The following ATP7B variants were observed in gnomAD, a reference collection of about 807,000 sequenced individuals.
ATP7B encodes ATPase copper transporting beta.
Under a neutral mutation model 118.9 loss-of-function variants are expected in ATP7B, and 113 were observed. The observed-to-expected ratio is 0.95, with a 90% CI of 0.82 to 1.11. The LOEUF (loss-of-function observed/expected upper bound fraction) is 1.11, where lower values mean the gene tolerates loss of function less well. ATP7B is among the 50% of genes most tolerant of loss of function. ATP7B has a pLI of 0.00. For missense variants in ATP7B, 1,867 were observed against 1,871.4 expected (o/e 1.00, Z 0.04); for synonymous variants, 777 against 727.4 (o/e 1.07, Z -1.10).
intron 5 of ATP7B, among the ~76,000 whole-genome samples, chr13:51,964,247 C>CTGTT (rs1257673855): frequency 2.6e-5 from 4 of 152,140 alleles, no homozygotes; most frequent in Admixed American, 6.5e-5. Context: ...TCCTTACTAG[C>CTGTT]TGTTACAAGT....
intron 13 of ATP7B, 46 bp from the exon 14 acceptor site, chr13:51,944,337 G>T (rs773629514): frequency 1.2e-6 from 2 of 1,609,254 alleles, no homozygotes. Flanking sequence ...CAGATGGAGG[G>T]GCTTCCATAG....
intron 17 of ATP7B, 67 bp from the exon 18 acceptor site, chr13:51,937,746 T>C: frequency 6.4e-7 from 1 of 1,567,290 alleles, no homozygotes; most frequent in East Asian, 2.2e-5. Flanking sequence ...AAACCTCAAG[T>C]TACCCTTGCC....
chr13:51,968,293 G>T (rs541016890), intron 4 of ATP7B, 151 bp downstream of exon 4: 1 of 1,179,352 alleles, frequency 8.5e-7, no homozygotes, highest in Non-Finnish European at 1.2e-6. Flanking sequence ...CATTGTTGTC[G>T]GCTTCAAAGG....
chr13:51,972,355 T>G (rs1171997835), intron 2 of ATP7B, among the ~76,000 whole-genome samples: 1 of 152,082 alleles, frequency 6.6e-6, no homozygotes, highest in African/African-American at 2.4e-5. Flanking sequence ...TCCTCCTCCC[T>G]CTAATTCTTT....
At chr13:52,007,213 C>T (rs1953814159) in intron 1 of ATP7B, among the ~76,000 whole-genome samples, 1 of 152,092 alleles carries the variant, frequency 6.6e-6, no homozygotes, top group African/African-American at 2.4e-5. Context: ...CACAGAGTTG[C>T]AAATAAAAGC....
chr13:52,004,165 G>A (rs547301716), intron 1 of ATP7B, among the ~76,000 whole-genome samples: 2 of 152,328 alleles, frequency 1.3e-5, no homozygotes, highest in Non-Finnish European at 2.9e-5. Context: ...GGGAGGCTGA[G>A]GCAGAAGAGT....
At chr13:51,986,225 A>G (rs936491354) in intron 1 of ATP7B, among the ~76,000 whole-genome samples, 2 of 152,194 alleles carry the variant, frequency 1.3e-5, no homozygotes, top group Non-Finnish European at 1.5e-5. Context: ...AAAAATGATA[A>G]AGGAGATATC....
At chr13:51,969,725 G>C (rs1167838037) in intron 3 of ATP7B, among the ~76,000 whole-genome samples, 1 of 152,174 alleles carries the variant, frequency 6.6e-6, no homozygotes, top group Non-Finnish European at 1.5e-5. Flanking sequence ...AATTTTATGA[G>C]CAGTCAGACC....
Position 51,964,991 on chromosome 13 carries a change from A to C in ATP7B, c.1750T>G (p.Ser584Ala). 1 of 1,614,060 alleles carries C rather than the reference A, an allele frequency of 6.2e-7. No individual in the cohort carries two copies. Among genetic ancestry groups the C allele is most frequent in the Non-Finnish European group, 8.5e-7 (1 of 1,180,008 alleles). The change falls in exon 5 of 21, where the codon TCC (serine) becomes GCC (alanine). Residue 584 changes from serine (S) to alanine (A), a missense_variant. By Grantham distance (99) the Ser-to-Ala change is moderately conservative. Transcript: ENST00000242839. ...TCASCVHNIESKLTRTNGITY... is the reference protein window; with the variant it reads ...TCASCVHNIEAKLTRTNGITY... ...ATGCCATTTGTCCTCGTGAGTTTGG[A>C]CTCTATGTTGTGGACACAGGACGCG...
chr13:51,987,365 G>A (rs1952707011), intron 1 of ATP7B, among the ~76,000 whole-genome samples: 1 of 152,156 alleles, frequency 6.6e-6, no homozygotes, highest in African/African-American at 2.4e-5. Context: ...AGGATGTGAA[G>A]GACCTCTTCA....
Position 51,984,875 on chromosome 13 carries a change from T to C in ATP7B, c.52-9707A>G, listed in dbSNP as rs925510474. On this transcript the variant is annotated intron_variant, in intron 1 of 20. Coordinates refer to ENST00000242839, the MANE Select transcript of ATP7B (RefSeq NM_000053.4). ...ACAGACAAGCAAATGCTGAGAGATT[T>C]TGTCACCACTAGGCCTGCCTTACAA... Among the ~76,000 whole-genome samples, 8 of 152,188 alleles carry C rather than the reference T, an allele frequency of 5.3e-5. No individual in the cohort carries two copies. In the East Asian group the frequency reaches 7.7e-4, roughly 15 times the overall value.
At chr13:52,008,123 C>T (rs896307181) in intron 1 of ATP7B, among the ~76,000 whole-genome samples, 1 of 151,986 alleles carries the variant, frequency 6.6e-6, no homozygotes, top group African/African-American at 2.4e-5. Context: ...GGGCGGATCA[C>T]GAGATCAAGA....
intron 3 of ATP7B, 68 bp from the exon 4 acceptor site, chr13:51,968,675 T>C (rs1241481924): frequency 6.4e-6 from 10 of 1,560,168 alleles, no homozygotes; most frequent in Non-Finnish European, 7.9e-6. Context: ...ACAGTCAATA[T>C]AACCGAACAA....
chr13:51,966,886 G>A (rs1296008610), intron 4 of ATP7B: 4 of 1,612,702 alleles, frequency 2.5e-6, no homozygotes, highest in African/African-American at 2.7e-5. Context: ...CACTTGTGAT[G>A]GCAGAAACCT....
intron 1 of ATP7B, among the ~76,000 whole-genome samples, chr13:52,003,455 C>T (rs1953618456): frequency 6.6e-6 from 1 of 152,102 alleles, no homozygotes. Context: ...ATGATTATAA[C>T]AGTAGCATCA....
At chr13:51,984,733 C>T (rs1353723049) in intron 1 of ATP7B, among the ~76,000 whole-genome samples, 1 of 152,182 alleles carries the variant, frequency 6.6e-6, no homozygotes, top group African/African-American at 2.4e-5. Context: ...AGAAACCCTA[C>T]AAGCCAGAAG....
intron 1 of ATP7B, among the ~76,000 whole-genome samples, chr13:51,982,517 G>C (rs976309832): frequency 3.3e-5 from 5 of 152,170 alleles, no homozygotes; most frequent in African/African-American, 9.7e-5. Context: ...CACAGGTTTA[G>C]ATACAAGAAA....
At chr13:51,969,469 A>T (rs1453654768) in intron 3 of ATP7B, among the ~76,000 whole-genome samples, 1 of 151,644 alleles carries the variant, frequency 6.6e-6, no homozygotes, top group African/African-American at 2.4e-5. Flanking sequence ...AGATACTTTC[A>T]TACAAGGAAA....
At position 51,934,300 on chromosome 13, in the gene ATP7B, C is replaced by G. The variant is rs1956839187; in HGVS notation, c.*456G>C. Reference sequence around the variant, plus strand: ...AAGCAACAGGCACACCTGAGGTAAACTGTGGTCTCAGAAACATGATGCACA... The same window carrying G: ...AAGCAACAGGCACACCTGAGGTAAAGTGTGGTCTCAGAAACATGATGCACA... On this transcript the variant is annotated 3_prime_UTR_variant, in exon 21 of 21. Transcript: ENST00000242839. The G allele has an allele frequency of 3.7e-6, 1 of 272,106 alleles. No homozygotes were observed. Among genetic ancestry groups the G allele is most frequent in the Admixed American group, 4.6e-5 (1 of 21,930 alleles). 16.9% of individuals were successfully genotyped at this position (272,106 alleles called of 1,614,324 possible).
Sources: gnomAD v4.1 joint callset for allele counts (sites outside exome capture counted in the v4.1 genomes callset) on GRCh38, gnomAD v4.1.1 for gene constraint, MANE v1.5 for transcripts, NCBI Gene and HGNC (gene_info 2026-07-23, HGNC 2026-07-21) for gene names.